The following DBI variants were observed in gnomAD, a reference collection of about 807,000 sequenced individuals.
DBI encodes diazepam binding inhibitor, acyl-CoA binding protein, also known as acyl-CoA-binding protein.
A neutral mutation model predicts 13.0 loss-of-function variants in DBI; 12 were observed. The observed-to-expected ratio is 0.92, with a 90% confidence interval of 0.59 to 1.49. The LOEUF is 1.49. Among genes scored for constraint, DBI ranks in the 40% most tolerant of loss-of-function variants. The pLI is 0.00. For missense variants in DBI, 95 were observed against 104.8 expected, an observed-to-expected ratio of 0.91 and a Z score of 0.41; for synonymous variants, 37 against 37.4, an observed-to-expected ratio of 0.99 and a Z score of 0.04.
chr2:119,367,667 C>T, intron 1 of DBI: 2 of 1,613,632 alleles, frequency 1.2e-6, no homozygotes, highest in South Asian at 2.2e-5. Flanking sequence ...CGCGCGGGCC[C>T]CAGGGGGAGG....
At chr2:119,367,968 G>C (rs1361294529) in intron 1 of DBI, 1 of 1,614,060 alleles carries the variant, frequency 6.2e-7, no homozygotes, top group Admixed American at 1.7e-5. Context: ...GATTGAATGA[G>C]TGAACTGGAG....
intron 1 of DBI, 153 bp downstream of exon 1, chr2:119,367,213 T>C (rs1435564470): frequency 2.1e-6 from 3 of 1,450,212 alleles, no homozygotes; most frequent in East Asian, 5.0e-5. Context: ...GGACAGAGCC[T>C]TGTGAGCGGG....
rs1001166293 is a variant in DBI at position 119,367,100 on chromosome 2, G to C, written c.9+40G>C. ...CAGCCAGGCTGCGAAGGTGCAGCGG[G>C]CGGGAGGCCCGTTGGGGGCTCAGCC... On this transcript the variant is annotated intron_variant, in intron 1 of 3. Coordinates refer to ENST00000355857, the MANE Select transcript of DBI (RefSeq NM_001079862.4). 4 of 1,612,552 alleles carry C rather than the reference G, an allele frequency of 2.5e-6. No homozygotes were observed. In the African/African-American group the frequency reaches 4.0e-5, roughly 16 times the overall value.
At chr2:119,371,599 T>C (rs1681520077) in intron 3 of DBI, among the ~76,000 whole-genome samples, 1 of 152,232 alleles carries the variant, frequency 6.6e-6, no homozygotes, top group Admixed American at 6.5e-5. Context: ...AGCTCTGAGT[T>C]CCAAAGGGTC....
In DBI at chr2:119,372,445, CACCATACGGCTCTA is replaced by C; in HGVS notation, c.*130_*143del. The C allele has an allele frequency of 1.5e-6, 1 of 677,362 alleles. No individual in the cohort carries two copies. Among genetic ancestry groups the C allele is most frequent in the South Asian group, 1.8e-5 (1 of 57,054 alleles). 42.0% of individuals were successfully genotyped at this position (677,362 alleles called of 1,614,324 possible). A position where few individuals can be genotyped will look rare whatever the true frequency, so the allele number is the denominator to read the frequency against. ...GTTAAACCAGCTACTCAAGGCTGCT[CACCATACGGCTCTA>C]ACAGATTAGGGGCTAAAACGATTAC... On this transcript the variant is annotated 3_prime_UTR_variant, in exon 4 of 4. Coordinates refer to ENST00000355857, the MANE Select transcript of DBI (RefSeq NM_001079862.4).
intron 2 of DBI, among the ~76,000 whole-genome samples, chr2:119,369,400 G>A (rs761926825): frequency 1.3e-5 from 2 of 152,200 alleles, no homozygotes; most frequent in Non-Finnish European, 2.9e-5. Flanking sequence ...TCTCTCTAGG[G>A]CTGTACTATA....
intron 2 of DBI, chr2:119,368,511 AG>A (rs572770689): frequency 1.6e-4 from 88 of 554,412 alleles, no homozygotes; most frequent in Non-Finnish European, 2.5e-4. Context: ...TGGTTTTAGA[AG>A]GTCTTTACTG....
chr2:119,368,447 A>T (rs1449326873), intron 2 of DBI, 142 bp downstream of exon 2: 1 of 671,930 alleles, frequency 1.5e-6, no homozygotes, highest in Non-Finnish European at 2.7e-6. Flanking sequence ...CCTGAGGTGG[A>T]AAAGACCATG....
intron 3 of DBI, among the ~76,000 whole-genome samples, 188 bp downstream of exon 3, chr2:119,370,990 C>T (rs1228203502): frequency 2.6e-5 from 4 of 152,170 alleles, no homozygotes; most frequent in African/African-American, 9.7e-5. Flanking sequence ...TATGCCTTTT[C>T]TAAAAGCACC....
chr2:119,368,652 C>T (rs552626862), intron 2 of DBI: 1 of 207,786 alleles, frequency 4.8e-6, no homozygotes, highest in Non-Finnish European at 1.0e-5. Flanking sequence ...TGGGCAGGAT[C>T]AAAGTTGGAG....
In DBI at chr2:119,370,744, GC is replaced by G. The variant is rs1558807903; in HGVS notation, c.135del (p.Met47CysfsTer16). 1.9e-6 allele frequency: 3 copies of G among 1,613,940 alleles called. No individual in the cohort carries two copies. The highest frequency in any genetic ancestry group is 2.5e-6 in the Non-Finnish European group (3 of 1,179,884). On this transcript the variant is annotated frameshift_variant, in exon 3 of 4. Transcript: ENST00000355857. LOFTEE classifies it high-confidence loss of function. ...CCTTTTCTTCCCTTGTTTAAGAACGGCCCGGGATGTTGGACTTCACGGGCAA... is the reference window on the plus strand; with the variant it reads ...CCTTTTCTTCCCTTGTTTAAGAACGGCCGGGATGTTGGACTTCACGGGCAA... The part of the protein sequence containing the change: ...ATVGDINTER[P>X]GMLDFTGKAK...
intron 1 of DBI, chr2:119,367,830 C>CACT: frequency 1.2e-6 from 2 of 1,612,962 alleles, no homozygotes; most frequent in Admixed American, 3.3e-5. Flanking sequence ...GGTGGCCAGG[C>CACT]AGTTGGCCGC....
intron 1 of DBI, chr2:119,367,721 C>A: frequency 7.5e-6 from 12 of 1,609,610 alleles, no homozygotes; most frequent in Non-Finnish European, 1.0e-5. Flanking sequence ...GGCACTCATG[C>A]CCTGTCCCCT....
intron 1 of DBI, chr2:119,367,456 G>T (rs1458715326): frequency 6.3e-7 from 1 of 1,575,358 alleles, no homozygotes; most frequent in African/African-American, 1.3e-5. Context: ...GTGGCCGAGA[G>T]CTTGGAGGTC....
intron 3 of DBI, among the ~76,000 whole-genome samples, chr2:119,371,040 G>C (rs1167811520): frequency 6.6e-6 from 1 of 152,166 alleles, no homozygotes; most frequent in African/African-American, 2.4e-5. Context: ...GAGGGGCTGG[G>C]AACCAGGCCA....
chr2:119,371,460 C>T (rs1681510357), intron 3 of DBI, among the ~76,000 whole-genome samples: 1 of 152,144 alleles, frequency 6.6e-6, no homozygotes, highest in Non-Finnish European at 1.5e-5. Context: ...CAGAAAGGGC[C>T]ACAATACAAT....
At chr2:119,368,361 C>A in intron 2 of DBI, 56 bp downstream of exon 2, 1 of 1,277,422 alleles carries the variant, frequency 7.8e-7, no homozygotes, top group Non-Finnish European at 1.1e-6. Context: ...CTCAGCAGCT[C>A]AGACTGGAAG....
chr2:119,371,211 A>G (rs563580827), intron 3 of DBI, among the ~76,000 whole-genome samples: 3 of 152,318 alleles, frequency 2.0e-5, no homozygotes, highest in East Asian at 3.9e-4. Context: ...AGAAGGATAC[A>G]TAAAAGAAGG....
intron 1 of DBI, chr2:119,367,957 C>T: frequency 1.2e-6 from 2 of 1,614,204 alleles, no homozygotes; most frequent in Non-Finnish European, 1.7e-6. Context: ...ATATGGTTTT[C>T]GATTGAATGA....
Sources: allele counts gnomAD v4.1 joint callset (sites outside exome capture counted in the v4.1 genomes callset), GRCh38; gene constraint gnomAD v4.1.1; transcripts MANE v1.5; gene names NCBI Gene and HGNC (gene_info 2026-07-23, HGNC 2026-07-21).